Variants in RAD51B observed in about 807,000 individuals in gnomAD.
RAD51B encodes the protein RAD51 paralog B, also known as DNA repair protein RAD51 homolog 2.
Under a neutral mutation model 42.2 loss-of-function variants are expected in RAD51B, and 38 were observed. That is an observed-to-expected ratio of 0.90 (90% confidence interval 0.70 to 1.18). The LOEUF (loss-of-function observed/expected upper bound fraction) is 1.18. Ranked by LOEUF, RAD51B falls within the 50% of genes most tolerant of loss-of-function variation. The probability of loss-of-function intolerance (pLI) is 0.00; values close to 1 mark genes in which losing one functional copy is unlikely to be tolerated. For synonymous variants in RAD51B, 154 were observed against 145.2 expected (o/e 1.06, Z -0.43); for missense variants, 373 against 400.7 (o/e 0.93, Z 0.59).
intron 10 of RAD51B, among the ~76,000 whole-genome samples, chr14:68,555,057 A>G (rs1340307084): frequency 2.6e-5 from 4 of 152,144 alleles, no homozygotes; most frequent in Non-Finnish European, 5.9e-5. Context: ...TATGTTGGCC[A>G]GGCTAGTCTC....
intron 7 of RAD51B, among the ~76,000 whole-genome samples, chr14:67,971,791 TG>T (rs1234984124): frequency 2.0e-5 from 3 of 152,142 alleles, no homozygotes; most frequent in African/African-American, 7.2e-5. Flanking sequence ...TCTTAATATT[TG>T]CCCTTGGATG....
intron 10 of RAD51B, among the ~76,000 whole-genome samples, chr14:68,475,755 C>T (rs1201099639): frequency 6.6e-6 from 1 of 151,968 alleles, no homozygotes; most frequent in Non-Finnish European, 1.5e-5. Flanking sequence ...TATTCCAAGG[C>T]CTGGACTATA....
rs146180240 is a variant in RAD51B, at chr14:68,650,740, A to C, written c.1037-41A>C. On this transcript the variant is annotated intron_variant, in intron 10 of 11. Transcript: ENST00000488612. ...GGATGAATCCTCTCAAAATAGGAAA[A>C]GCTAGGTTCCTTACAACCTATTTAC... 571 of 729,112 alleles carry C rather than the reference A, an allele frequency of 7.8e-4. No individual in the cohort carries two copies. In the African/African-American group the frequency reaches 8.5e-3, roughly 11 times the overall value. The allele number at this position is 729,112 out of a possible 1,614,324, so 45.2% of individuals were successfully genotyped here.
chr14:68,275,107 C>T (rs2081194601), intron 7 of RAD51B, among the ~76,000 whole-genome samples: 1 of 152,148 alleles, frequency 6.6e-6, no homozygotes. Context: ...TTGCCTAGAT[C>T]CATTGTTTAA....
chr14:68,458,166 C>CT (rs921505289), intron 9 of RAD51B, among the ~76,000 whole-genome samples: 1 of 152,058 alleles, frequency 6.6e-6, no homozygotes, highest in Non-Finnish European at 1.5e-5. Context: ...TTATTTTGGT[C>CT]TTTTTGTTTC....
intron 10 of RAD51B, among the ~76,000 whole-genome samples, chr14:68,524,655 G>A (rs189261787): frequency 2.0e-5 from 3 of 152,322 alleles, no homozygotes; most frequent in Admixed American, 6.5e-5. Flanking sequence ...CCTTGTAGTC[G>A]CTGTTCAGAA....
intron 7 of RAD51B, among the ~76,000 whole-genome samples, chr14:68,258,278 A>G (rs946509410): frequency 1.1e-4 from 17 of 152,158 alleles, no homozygotes; most frequent in African/African-American, 3.6e-4. Context: ...GTGTTCACTT[A>G]TAGTCCCAGC....
At chr14:67,949,129 A>G (rs2074394284) in intron 7 of RAD51B, among the ~76,000 whole-genome samples, 1 of 152,044 alleles carries the variant, frequency 6.6e-6, no homozygotes, top group Non-Finnish European at 1.5e-5. Context: ...GTATCAGTTT[A>G]TTAAAATAAG....
intron 8 of RAD51B, among the ~76,000 whole-genome samples, chr14:68,326,514 A>G (rs1045527635): frequency 3.3e-5 from 5 of 152,202 alleles, no homozygotes; most frequent in Admixed American, 1.3e-4. Context: ...GCTTGTGTCA[A>G]TGTAATAAAA....
chr14:68,368,567 G>A (rs2083189152), intron 8 of RAD51B, among the ~76,000 whole-genome samples: 1 of 152,180 alleles, frequency 6.6e-6, no homozygotes. Context: ...AACTCCAGAA[G>A]GTCTATAGTG....
intron 7 of RAD51B, among the ~76,000 whole-genome samples, chr14:68,147,518 T>G (rs2078277308): frequency 6.6e-6 from 1 of 152,178 alleles, no homozygotes; most frequent in Non-Finnish European, 1.5e-5. Context: ...CTGAGCCTTT[T>G]TATACTCTAG....
At chr14:68,340,840 G>A (rs2082558107) in intron 8 of RAD51B, among the ~76,000 whole-genome samples, 1 of 152,224 alleles carries the variant, frequency 6.6e-6, no homozygotes, top group Non-Finnish European at 1.5e-5. Context: ...AATCTGGTTA[G>A]GGAAGTAAAA....
chr14:68,598,003 G>C (rs1350006812), downstream of RAD51B, among the ~76,000 whole-genome samples: 1 of 152,008 alleles, frequency 6.6e-6, no homozygotes, highest in Non-Finnish European at 1.5e-5. Flanking sequence ...TGTTAAAGTG[G>C]GGACCAGCTT....
chr14:67,873,484 T>G (rs1196517915), intron 5 of RAD51B, among the ~76,000 whole-genome samples: 1 of 149,420 alleles, frequency 6.7e-6, no homozygotes, highest in Non-Finnish European at 1.5e-5. Flanking sequence ...TTTTACACTG[T>G]TGGTGGGACT....
intron 8 of RAD51B, among the ~76,000 whole-genome samples, chr14:68,337,878 C>T (rs1318430161): frequency 6.6e-6 from 1 of 152,104 alleles, no homozygotes; most frequent in East Asian, 1.9e-4. Context: ...CTCAGGCAAT[C>T]CTCCCACCTC....
intron 7 of RAD51B, among the ~76,000 whole-genome samples, chr14:67,968,119 C>T (rs1352112715): frequency 1.3e-5 from 2 of 152,216 alleles, no homozygotes; most frequent in Non-Finnish European, 2.9e-5. Context: ...TGAGCTGTAC[C>T]TTGACCCCTT....
intron 10 of RAD51B, among the ~76,000 whole-genome samples, chr14:68,552,665 T>C (rs1266917339): frequency 2.6e-5 from 4 of 152,172 alleles, no homozygotes; most frequent in African/African-American, 9.7e-5. Flanking sequence ...GGAGCAAATT[T>C]AGTGCATTCC....
At chr14:67,996,287 G>A (rs1029956279) in intron 7 of RAD51B, among the ~76,000 whole-genome samples, 1 of 151,772 alleles carries the variant, frequency 6.6e-6, no homozygotes, top group Non-Finnish European at 1.5e-5. Context: ...TCCCAGCTAC[G>A]TGGGAGCCCG....
rs73272244 is a variant in RAD51B at position 68,312,951 on chromosome 14, T to A, written c.853+20971T>A. Among the ~76,000 whole-genome samples, 1,266 of 152,184 alleles carry A rather than the reference T, an allele frequency of 8.3e-3. 16 individuals are homozygous for A. Among genetic ancestry groups the A allele is most frequent in the African/African-American group, 0.03 (1,228 of 41,516 alleles). On this transcript the variant is annotated intron_variant, in intron 8 of 10. Coordinates refer to ENST00000471583, the MANE Select transcript of RAD51B (RefSeq NM_133510.4). ...TACTAACCACAGAAAAAGCCCTTGG[T>A]TGGGTTGTCTTGAGTAGTTAGAACT...
Sources: allele counts gnomAD v4.1 joint callset (sites outside exome capture counted in the v4.1 genomes callset), GRCh38; gene constraint gnomAD v4.1.1; transcripts MANE v1.5; gene names NCBI Gene and HGNC (gene_info 2026-07-23, HGNC 2026-07-21).